Variants in MAP3K14 observed in about 807,000 individuals in gnomAD.
The protein encoded by MAP3K14 is NF-kappa-beta-inducing kinase.
Under a neutral mutation model 99.2 loss-of-function variants are expected in MAP3K14, and 16 were observed. The ratio of observed to expected loss-of-function variants is 0.16; its 90% CI spans 0.11 to 0.24. The LOEUF is 0.24. Ranked by LOEUF, MAP3K14 falls within the 10% of genes least tolerant of loss-of-function variation. MAP3K14 has a pLI of 1.00. For synonymous variants in MAP3K14, 462 were observed against 492.4 expected (o/e 0.94, Z 0.82); for missense variants, 784 against 1,208.7 (o/e 0.65, Z 5.21).
Position 45,298,506 on chromosome 17 carries a change from G to A in MAP3K14, c.-20-7741C>T, listed in dbSNP as rs574208622. Among the ~76,000 whole-genome samples, 39 of 152,294 alleles carry A rather than the reference G, an allele frequency of 2.6e-4. 1 individual carries two copies. The South Asian group carries it at 5.6e-3, about 22-fold the overall frequency. ...GAAATAAAGACATAGAAAGAGATGT[G>A]CCAGGCCAATATTAACCACAAAGAA... is the stretch of plus-strand genomic sequence containing the variant. On this transcript the variant is annotated intron_variant, in intron 1 of 15. Coordinates refer to ENST00000344686, the MANE Select transcript of MAP3K14 (RefSeq NM_003954.5).
In MAP3K14 at chr17:45,286,841, C is replaced by A; in HGVS notation, c.742G>T (p.Gly248Ter). The A allele has an allele frequency of 6.2e-7, 1 of 1,613,818 alleles. No individual in the cohort carries two copies. The highest frequency in any genetic ancestry group is 8.5e-7 in the Non-Finnish European group (1 of 1,179,820). Residue 248 changes from glycine to a stop codon, truncating the protein, a stop_gained, in exon 5 of 16, where the codon GGA becomes TGA. Transcript: ENST00000344686. LOFTEE classifies it high-confidence loss of function. The surrounding 1 kb of genome is among the most constrained non-coding windows in gnomAD (Gnocchi z 4.1). ...TGCGTGGGCAGGGGCAGGGGGCCTC[C>A]GTCCTGGGGGTGGTGCAGTTTCCAC... Reference protein sequence around the residue: ...HVWKLHHPQDGGPLPLPTHPF... With the variant: ...HVWKLHHPQD
rs142651220 is a variant in MAP3K14, at chr17:45,298,833, A to G, written c.-20-8068T>C. On this transcript the variant is annotated intron_variant, in intron 1 of 15. Transcript: ENST00000344686. ...TGGGGGAAACAGACAAGAAGTCAGA[A>G]GAGTTCAGTACAATACAGGGATGCA... Among the ~76,000 whole-genome samples, 289 of 152,350 alleles carry G rather than the reference A, an allele frequency of 1.9e-3. 2 individuals carry two copies. The highest frequency in any genetic ancestry group is 0.01 in the Middle Eastern group (3 of 294).
intron 6 of MAP3K14, among the ~76,000 whole-genome samples, chr17:45,280,945 C>A (rs770615505): frequency 6.6e-6 from 1 of 152,140 alleles, no homozygotes; most frequent in East Asian, 1.9e-4. Context: ...TCCTAGAATT[C>A]ATGGATCCTA....
intron 8 of MAP3K14, 24 bp downstream of exon 8, chr17:45,274,098 CA>C: frequency 1.2e-6 from 2 of 1,604,966 alleles, no homozygotes; most frequent in Non-Finnish European, 1.7e-6. Flanking sequence ...TGCTGGGGAT[CA>C]GGGCCGTGGG....
chr17:45,297,393 G>T (rs1398657190), intron 1 of MAP3K14, among the ~76,000 whole-genome samples: 1 of 152,230 alleles, frequency 6.6e-6, no homozygotes, highest in Non-Finnish European at 1.5e-5. Flanking sequence ...TGTCAAGTCA[G>T]GGCTGAATCA....
At chr17:45,290,860 G>T in intron 1 of MAP3K14, 95 bp from the exon 2 acceptor site, 1 of 1,234,336 alleles carries the variant, frequency 8.1e-7, no homozygotes, top group Non-Finnish European at 1.1e-6. Context: ...CAGGGGCAAA[G>T]GGTCTCTGCC....
chr17:45,290,417 A>G, intron 2 of MAP3K14, 73 bp downstream of exon 2: 1 of 1,573,448 alleles, frequency 6.4e-7, no homozygotes, highest in Non-Finnish European at 8.7e-7. Context: ...CTCCATAGGG[A>G]ACCCCTGGGC....
chr17:45,270,875 C>T (rs757382324), intron 10 of MAP3K14, 183 bp downstream of exon 10: 54 of 903,924 alleles, frequency 6.0e-5, no homozygotes, highest in Admixed American at 5.7e-4. Context: ...GGTGAGCCTC[C>T]GCAGCTGGAT....
In MAP3K14 at chr17:45,272,650, C is replaced by A. The variant is rs2044149434; in HGVS notation, c.1657+853G>T. ...CCTGGAAGGAGTTATTTAAAATATT[C>A]ATGATTCGGCCGGGCACGGAGGCTC... On this transcript the variant is annotated intron_variant, in intron 9 of 15. Transcript: ENST00000344686. The surrounding 1 kb of genome is among the most constrained non-coding windows in gnomAD (Gnocchi z 4.1). Among the ~76,000 whole-genome samples, 1 of 152,060 alleles carries A rather than the reference C, an allele frequency of 6.6e-6. No homozygotes were observed. Among genetic ancestry groups the A allele is most frequent in the Non-Finnish European group, 1.5e-5 (1 of 68,004 alleles).
intron 3 of MAP3K14, among the ~76,000 whole-genome samples, chr17:45,288,713 T>C (rs570269766): frequency 6.6e-4 from 101 of 152,232 alleles, no homozygotes; most frequent in Non-Finnish European, 1.3e-3. Context: ...TGTGGGGGAA[T>C]GCAGAGCCTG....
At chr17:45,311,634 A>G (rs2044480188) in intron 1 of MAP3K14, among the ~76,000 whole-genome samples, 1 of 152,172 alleles carries the variant, frequency 6.6e-6, no homozygotes, top group African/African-American at 2.4e-5. Context: ...AGAAGTGTAG[A>G]CAACTGAGAT....
In MAP3K14 at chr17:45,267,824, A is replaced by T; in HGVS notation, c.1973-65T>A. 1 of 1,424,480 alleles carries T rather than the reference A, an allele frequency of 7.0e-7. No individual in the cohort carries two copies. The highest frequency in any genetic ancestry group is 1.2e-5 in the South Asian group (1 of 83,002). 88.2% of individuals were successfully genotyped at this position (1,424,480 alleles called of 1,614,324 possible). A position where few individuals can be genotyped will look rare whatever the true frequency, so the allele number is the denominator to read the frequency against. On this transcript the variant is annotated intron_variant, in intron 11 of 15. Transcript: ENST00000344686. The surrounding 1 kb of genome is among the most constrained non-coding windows in gnomAD (Gnocchi z 5.1). ...GTGCACAGACAGCGGTCCAGGCAGG[A>T]GCGGCCTCTCCTGAGTGCAGAAGGG...
intron 9 of MAP3K14, 112 bp from the exon 10 acceptor site, chr17:45,271,333 A>G (rs1362600386): frequency 1.1e-6 from 1 of 906,800 alleles, no homozygotes; most frequent in Non-Finnish European, 1.6e-6. Flanking sequence ...CTGTTAAAGT[A>G]CTTTTTATTT....
At chr17:45,280,861 T>G (rs1214880944) in intron 6 of MAP3K14, among the ~76,000 whole-genome samples, 1 of 152,064 alleles carries the variant, frequency 6.6e-6, no homozygotes, top group Admixed American at 6.5e-5. Flanking sequence ...TCTGCCCGCT[T>G]TGGCCTTCCA....
chr17:45,287,275 C>G lies in MAP3K14; in HGVS notation c.416G>C (p.Arg139Pro). The change falls in exon 4 of 16, where the codon CGC becomes CCC. Residue 139 changes from arginine to proline, a missense_variant. Around this residue, in one of 5 missense-constraint regions of MAP3K14, gnomAD observed 188 missense variants for 313.0 expected, o/e 0.60. Coordinates refer to ENST00000344686, the MANE Select transcript of MAP3K14 (RefSeq NM_003954.5). ...MARVCWKGKR[R>P]SKARKKRKKK... ...CTTCCGTTTCTTCCGGGCTTTGCTGCGACGCTTTCCCTTCCAACACACACG... is the reference window on the plus strand; with the variant it reads ...CTTCCGTTTCTTCCGGGCTTTGCTGGGACGCTTTCCCTTCCAACACACACG... 2 of 1,613,990 alleles carry G rather than the reference C, an allele frequency of 1.2e-6. No homozygotes were observed. Among genetic ancestry groups the G allele is most frequent in the Non-Finnish European group, 8.5e-7 (1 of 1,179,896 alleles).
At chr17:45,275,462 G>A (rs531536707) in intron 6 of MAP3K14, among the ~76,000 whole-genome samples, 156 of 135,968 alleles carry the variant, frequency 1.1e-3, no homozygotes, top group Non-Finnish European at 1.9e-3. Context: ...CCAGTCTGGC[G>A]ACAGAGTGAG....
intron 3 of MAP3K14, among the ~76,000 whole-genome samples, 157 bp from the exon 4 acceptor site, chr17:45,287,521 T>C (rs2044277452): frequency 6.6e-6 from 1 of 152,128 alleles, no homozygotes; most frequent in African/African-American, 2.4e-5. Flanking sequence ...CCAAGGAACC[T>C]GTTTTCTCAC....
In MAP3K14 at chr17:45,264,654, C is replaced by T. The variant is rs764077846; in HGVS notation, c.2826G>A (p.Gln942=). 3.2e-6 allele frequency: 5 copies of T among 1,586,270 alleles called. No individual in the cohort carries two copies. The highest frequency in any genetic ancestry group is 4.3e-6 in the Non-Finnish European group (5 of 1,166,968). The change falls in exon 16 of 16, where the codon CAG becomes CAA. Residue 942 remains glutamine (Q), a synonymous_variant. Coordinates refer to ENST00000344686, the MANE Select transcript of MAP3K14 (RefSeq NM_003954.5). ...FAWSWRVKHG[Q]LENRP ...GGCAGGGTTAGGGCCTGTTCTCCAGCTGGCCATGCTTGACCCTCCAGCTCC... is the reference window on the plus strand; with the variant it reads ...GGCAGGGTTAGGGCCTGTTCTCCAGTTGGCCATGCTTGACCCTCCAGCTCC...
intron 1 of MAP3K14, among the ~76,000 whole-genome samples, chr17:45,300,640 A>G (rs541298802): frequency 2.0e-5 from 3 of 152,140 alleles, no homozygotes; most frequent in Non-Finnish European, 4.4e-5. Context: ...TCCACTGTAC[A>G]ACGGCCTCCT....
Sources: gnomAD v4.1 joint callset for allele counts (sites outside exome capture counted in the v4.1 genomes callset) on GRCh38, gnomAD v4.1.1 for gene constraint, gnomAD v4.1.1 regional missense constraint, Gnocchi (gnomAD v3.1) non-coding constraint, MANE v1.5 for transcripts, NCBI Gene and HGNC (gene_info 2026-07-23, HGNC 2026-07-21) for gene names.